Variants in SAMD4A observed in about 807,000 individuals in gnomAD.
The protein encoded by SAMD4A is sterile alpha motif domain containing 4A.
Under a neutral mutation model 81.3 loss-of-function variants are expected in SAMD4A, and 33 were observed. That is an observed-to-expected ratio of 0.41 (90% confidence interval 0.31 to 0.54). The LOEUF is 0.54. Ranked by LOEUF, SAMD4A falls within the 20% of genes least tolerant of loss-of-function variation. SAMD4A has a pLI of 0.37. For synonymous variants in SAMD4A, 389 were observed against 382.1 expected (o/e 1.02, Z -0.21); for missense variants, 854 against 951.1 (o/e 0.90, Z 1.34).
intron 3 of SAMD4A, among the ~76,000 whole-genome samples, chr14:54,705,540 A>C (rs1378252494): frequency 6.6e-6 from 1 of 151,794 alleles, no homozygotes; most frequent in Non-Finnish European, 1.5e-5. Flanking sequence ...TGTTGAATAA[A>C]AGGTAACCAG....
intron 2 of SAMD4A, among the ~76,000 whole-genome samples, chr14:54,606,777 C>T (rs1247348803): frequency 6.6e-6 from 1 of 152,230 alleles, no homozygotes; most frequent in Non-Finnish European, 1.5e-5. Context: ...TTATACCCCC[C>T]TCCTTTAGTT....
rs535846329 is a variant in SAMD4A, at chr14:54,585,438, T to A, written c.196+17326T>A. Among the ~76,000 whole-genome samples, 150 of 152,276 alleles carry A rather than the reference T, an allele frequency of 9.9e-4. 2 individuals carry two copies. The highest frequency in any genetic ancestry group is 1.1e-3 in the African/African-American group (47 of 41,566). On this transcript the variant is annotated intron_variant, in intron 2 of 12. Coordinates refer to ENST00000554335, the MANE Select transcript of SAMD4A (RefSeq NM_015589.6). ...ACCATGACATCATTCTTTTTAAAAA[T>A]TTTTTAAATTTTTTTATTTCAGTAG... is the stretch of plus-strand genomic sequence containing the variant.
At chr14:54,705,453 A>T (rs758518327) in intron 3 of SAMD4A, among the ~76,000 whole-genome samples, 2 of 152,246 alleles carry the variant, frequency 1.3e-5, no homozygotes, top group Non-Finnish European at 2.9e-5. Context: ...TGGAAAAACA[A>T]TCTGCGTAAG....
chr14:54,683,381 A>C lies in SAMD4A; in HGVS notation c.197-18681A>C, dbSNP rs148548833. Among the ~76,000 whole-genome samples, 27 of 152,330 alleles carry C rather than the reference A, an allele frequency of 1.8e-4. 1 individual carries two copies. The highest frequency in any genetic ancestry group is 5.3e-4 in the African/African-American group (22 of 41,576). ...ACATAGGATTTCTAAGATCATGACTAAAAGGGATAGTTCCAAGAAAGATTG... is the reference window on the plus strand; with the variant it reads ...ACATAGGATTTCTAAGATCATGACTCAAAGGGATAGTTCCAAGAAAGATTG... On this transcript the variant is annotated intron_variant, in intron 2 of 12. Transcript: ENST00000554335.
intron 2 of SAMD4A, 97 bp downstream of exon 2, chr14:54,568,209 C>T (rs373142728): frequency 2.5e-6 from 3 of 1,182,736 alleles, no homozygotes; most frequent in African/African-American, 3.3e-5. Context: ...CAGTCCCTGC[C>T]AGCCGCGCCG....
chr14:54,719,050 T>C (rs913371924), intron 3 of SAMD4A, among the ~76,000 whole-genome samples: 21 of 151,468 alleles, frequency 1.4e-4, no homozygotes, highest in Non-Finnish European at 1.9e-4. Flanking sequence ...GAAAGAAGGG[T>C]TCAAAGGAAC....
intron 7 of SAMD4A, 94 bp downstream of exon 7, chr14:54,760,588 C>T (rs2139861878): frequency 1.5e-6 from 2 of 1,351,662 alleles, no homozygotes; most frequent in Non-Finnish European, 1.9e-6. Context: ...TGGATAAATT[C>T]CCTGTCCAAG....
At chr14:54,752,875 A>G (rs1963714) in intron 6 of SAMD4A, among the ~76,000 whole-genome samples, 129,042 of 152,200 alleles carry the variant, frequency 0.85, 54,757 homozygotes, top group South Asian at 0.9. Flanking sequence ...TAGAATCTAC[A>G]TCATAATTAA....
chr14:54,779,564 C>G (rs1325471885), intron 11 of SAMD4A, among the ~76,000 whole-genome samples: 1 of 152,194 alleles, frequency 6.6e-6, no homozygotes, highest in Non-Finnish European at 1.5e-5. Context: ...ATCAATTCAT[C>G]AGTCACCTTG....
intron 2 of SAMD4A, among the ~76,000 whole-genome samples, chr14:54,651,212 C>T (rs1356888152): frequency 6.6e-6 from 1 of 152,172 alleles, no homozygotes; most frequent in Non-Finnish European, 1.5e-5. Context: ...ACTTCTTTTA[C>T]TCGACTCAGA....
chr14:54,586,215 G>A (rs1206973153), intron 2 of SAMD4A, among the ~76,000 whole-genome samples: 1 of 152,010 alleles, frequency 6.6e-6, no homozygotes, highest in Admixed American at 6.6e-5. Flanking sequence ...TATGCTTGTT[G>A]GCCATTTGTA....
chr14:54,604,564 G>A (rs555563979), intron 2 of SAMD4A, among the ~76,000 whole-genome samples: 1 of 152,176 alleles, frequency 6.6e-6, no homozygotes, highest in Admixed American at 6.5e-5. Context: ...TTCCTGGGAC[G>A]TCGTTGGAAA....
chr14:54,622,157 C>T (rs1353528528), intron 2 of SAMD4A, among the ~76,000 whole-genome samples: 1 of 152,104 alleles, frequency 6.6e-6, no homozygotes, highest in Non-Finnish European at 1.5e-5. Context: ...GGGAGAAAAG[C>T]ATTTTTCTTT....
intron 2 of SAMD4A, among the ~76,000 whole-genome samples, chr14:54,608,878 C>T (rs1252019176): frequency 1.3e-5 from 2 of 152,198 alleles, no homozygotes; most frequent in Non-Finnish European, 2.9e-5. Context: ...CATAGCTGGA[C>T]AGTTAGCAAC....
chr14:54,723,990 T>TTGGA (rs1212264117), intron 3 of SAMD4A, among the ~76,000 whole-genome samples: 1,037 of 88,324 alleles, frequency 0.012, 26 homozygotes, highest in East Asian at 0.11. Flanking sequence ...TCAGCAAATA[T>TTGGA]TGGATGGATG....
At chr14:54,726,070 C>T (rs537289390) in intron 3 of SAMD4A, among the ~76,000 whole-genome samples, 1 of 152,144 alleles carries the variant, frequency 6.6e-6, no homozygotes, top group South Asian at 2.1e-4. Flanking sequence ...GCCAATGCTA[C>T]CTGTCCATGG....
intron 2 of SAMD4A, among the ~76,000 whole-genome samples, chr14:54,600,592 C>T (rs2034027105): frequency 6.6e-6 from 1 of 152,066 alleles, no homozygotes; most frequent in Admixed American, 6.6e-5. Flanking sequence ...CTTTGTTGTC[C>T]AGAACTTTGA....
At chr14:54,568,692 TA>T (rs2033030088) in intron 2 of SAMD4A, among the ~76,000 whole-genome samples, 1 of 290 alleles carries the variant, frequency 3.4e-3, no homozygotes, top group African/African-American at 9.8e-3. Flanking sequence ...ATTTGCAGCA[TA>T]TATATATATA....
At chr14:54,713,622 G>A (rs1295151878) in intron 3 of SAMD4A, among the ~76,000 whole-genome samples, 1 of 152,180 alleles carries the variant, frequency 6.6e-6, no homozygotes, top group African/African-American at 2.4e-5. Flanking sequence ...TTGCTTTAGA[G>A]ATTTGTTTCA....
Sources: allele counts gnomAD v4.1 joint callset (sites outside exome capture counted in the v4.1 genomes callset), GRCh38; gene constraint gnomAD v4.1.1; transcripts MANE v1.5; gene names NCBI Gene and HGNC (gene_info 2026-07-23, HGNC 2026-07-21).